Variants in ATG5 observed in about 807,000 individuals in gnomAD.
ATG5 encodes autophagy protein 5.
ATG5 carries 14 observed loss-of-function variants against 36.5 expected under a neutral mutation model. The observed-to-expected ratio is 0.38, with a 90% CI of 0.25 to 0.60. The LOEUF (loss-of-function observed/expected upper bound fraction) is 0.60. Among genes scored for constraint, ATG5 ranks in the 20% least tolerant of loss-of-function variants. ATG5 has a pLI of 0.60. For missense variants in ATG5, 195 were observed against 326.7 expected (o/e 0.60, Z 3.11); for synonymous variants, 95 against 101.5 (o/e 0.94, Z 0.38).
At chr6:106,244,741 T>C (rs1379642186) in intron 6 of ATG5, among the ~76,000 whole-genome samples, 1 of 152,258 alleles carries the variant, frequency 6.6e-6, no homozygotes, top group African/African-American at 2.4e-5. Context: ...TCATCAGTTG[T>C]ATCCCTTGTG....
At chr6:106,245,766 A>G (rs1395680242) in intron 6 of ATG5, among the ~76,000 whole-genome samples, 1 of 152,168 alleles carries the variant, frequency 6.6e-6, no homozygotes, top group African/African-American at 2.4e-5. Context: ...TAAGGGCTCA[A>G]ATATTATAGA....
intron 6 of ATG5, among the ~76,000 whole-genome samples, chr6:106,223,809 A>G (rs1298276506): frequency 6.6e-6 from 1 of 152,246 alleles, no homozygotes; most frequent in African/African-American, 2.4e-5. Context: ...GAAAAAGAAC[A>G]AGGCTGAAGA....
chr6:106,201,473 C>T (rs572303621), intron 7 of ATG5, among the ~76,000 whole-genome samples: 2 of 152,142 alleles, frequency 1.3e-5, no homozygotes, highest in East Asian at 3.9e-4. Flanking sequence ...AAATTAGCGC[C>T]ATGAAACAGG....
intron 6 of ATG5, among the ~76,000 whole-genome samples, chr6:106,235,400 T>A (rs1777857742): frequency 1.3e-5 from 2 of 152,100 alleles, no homozygotes; most frequent in Non-Finnish European, 2.9e-5. Flanking sequence ...ACCCCTACTA[T>A]GCCCCAATTC....
rs578148430 is a variant in ATG5, at chr6:106,211,436, C to T, written c.574-9347G>A. On this transcript the variant is annotated intron_variant, in intron 6 of 7. Coordinates refer to ENST00000369076, the MANE Select transcript of ATG5 (RefSeq NM_004849.4). ...TTAAAAAGAGATTGGACAGGCCGGG[C>T]GTGGTGGCTCACGCCTGTAATCCCA... Among the ~76,000 whole-genome samples the T allele has an allele frequency of 6.6e-5, 10 of 152,126 alleles. No individual in the cohort carries two copies. The East Asian group carries it at 7.7e-4, about 12-fold the overall frequency.
At chr6:106,279,883 TAAAAG>T (rs2114601566) in intron 4 of ATG5, 60 bp from the exon 5 acceptor site, 3 of 1,153,276 alleles carry the variant, frequency 2.6e-6, no homozygotes, top group East Asian at 2.8e-5. Flanking sequence ...ATTAACCTCT[TAAAAG>T]AGAACTATAT....
chr6:106,210,950 CA>C (rs962519760), intron 6 of ATG5, among the ~76,000 whole-genome samples: 388 of 151,560 alleles, frequency 2.6e-3, no homozygotes, highest in African/African-American at 8.9e-3. Flanking sequence ...ATTGAGCTGT[CA>C]AAAAAAATAA....
chr6:106,216,401 C>T (rs1270926144), intron 6 of ATG5, among the ~76,000 whole-genome samples: 1 of 151,956 alleles, frequency 6.6e-6, no homozygotes, highest in African/African-American at 2.4e-5. Context: ...CTTCATACAA[C>T]TATTACTGGG....
chr6:106,284,079 A>G (rs186113070), intron 4 of ATG5, among the ~76,000 whole-genome samples: 1 of 152,314 alleles, frequency 6.6e-6, no homozygotes, highest in Admixed American at 6.5e-5. Flanking sequence ...CAGCTGATGG[A>G]CATTGGGTTA....
At chr6:106,273,334 C>G (rs904335847) in intron 5 of ATG5, among the ~76,000 whole-genome samples, 2 of 152,184 alleles carry the variant, frequency 1.3e-5, no homozygotes, top group African/African-American at 4.8e-5. Context: ...ACAGTTATTT[C>G]TGGAAAGTTA....
At chr6:106,207,686 T>C (rs763424446) in intron 6 of ATG5, among the ~76,000 whole-genome samples, 2 of 152,128 alleles carry the variant, frequency 1.3e-5, no homozygotes, top group Non-Finnish European at 2.9e-5. Flanking sequence ...AATCAGACAA[T>C]GTATGGACTT....
chr6:106,304,455 A>C (rs1770351921), intron 3 of ATG5, among the ~76,000 whole-genome samples: 1 of 152,206 alleles, frequency 6.6e-6, no homozygotes, highest in South Asian at 2.1e-4. Flanking sequence ...TGAATAAACA[A>C]TTTGTGGTAT....
At chr6:106,292,469 G>C (rs905967096) in intron 4 of ATG5, among the ~76,000 whole-genome samples, 1 of 152,140 alleles carries the variant, frequency 6.6e-6, no homozygotes, top group Admixed American at 6.5e-5. Flanking sequence ...TTTCAAAACA[G>C]AGGTAGATCA....
chr6:106,218,365 T>C (rs1347514554), intron 6 of ATG5, among the ~76,000 whole-genome samples: 3 of 152,188 alleles, frequency 2.0e-5, no homozygotes, highest in African/African-American at 7.2e-5. Flanking sequence ...TCCCCAGAAA[T>C]CATAGTTAAA....
intron 6 of ATG5, among the ~76,000 whole-genome samples, chr6:106,229,771 CA>C (rs1028071710): frequency 1.3e-5 from 2 of 152,170 alleles, no homozygotes; most frequent in African/African-American, 2.4e-5. Flanking sequence ...GCGGATGGCC[CA>C]AATGCATTCA....
intron 3 of ATG5, among the ~76,000 whole-genome samples, chr6:106,301,178 CTA>C (rs1392967404): frequency 1.3e-5 from 2 of 152,142 alleles, no homozygotes; most frequent in Non-Finnish European, 2.9e-5. Context: ...GAAAGAGACT[CTA>C]TTTTGAGTTA....
At chr6:106,199,639 A>C (rs1776342351) in intron 7 of ATG5, among the ~76,000 whole-genome samples, 3 of 152,200 alleles carry the variant, frequency 2.0e-5, no homozygotes, top group Admixed American at 2.0e-4. Flanking sequence ...CAACTCTATA[A>C]ATTTACTAAA....
rs572622956 is a variant in ATG5, at chr6:106,229,834, T to C, written c.573+18316A>G. Among the ~76,000 whole-genome samples, 265 of 152,364 alleles carry C rather than the reference T, an allele frequency of 1.7e-3. 2 individuals are homozygous for C. The highest frequency in any genetic ancestry group is 6.1e-3 in the African/African-American group (254 of 41,576). The stretch of plus-strand genomic sequence containing the variant: ...CAGAAAAAAGTAGAAAAGTAACTTT[T>C]AGAGGAAACCTCATTGTGAGCACAC... On this transcript the variant is annotated intron_variant, in intron 6 of 7. Coordinates refer to ENST00000369076, the MANE Select transcript of ATG5 (RefSeq NM_004849.4).
chr6:106,307,561 CAG>C (rs1489799769), intron 3 of ATG5, among the ~76,000 whole-genome samples: 2 of 111,176 alleles, frequency 1.8e-5, no homozygotes, highest in African/African-American at 7.3e-5. Flanking sequence ...TTTTTTGAGA[CAG>C]AGTTTCACTC....
Sources: allele counts gnomAD v4.1 joint callset (sites outside exome capture counted in the v4.1 genomes callset), GRCh38; gene constraint gnomAD v4.1.1; transcripts MANE v1.5; gene names NCBI Gene and HGNC (gene_info 2026-07-23, HGNC 2026-07-21).